Variants in CSMD1 observed in about 807,000 individuals in gnomAD.
CSMD1 encodes the protein CUB and sushi domain-containing protein 1.
In CSMD1, 213 loss-of-function variants were observed where a neutral mutation model predicts 417.5. The ratio of observed to expected loss-of-function variants is 0.51; its 90% CI spans 0.46 to 0.57. CSMD1 has a LOEUF of 0.57. Ranked by LOEUF, CSMD1 falls within the 20% of genes least tolerant of loss-of-function variation. The pLI is 0.00. For synonymous variants in CSMD1, 2,862 were observed against 1,736.8 expected (o/e 1.65, Z -16.11); for missense variants, 6,923 against 4,529.7 (o/e 1.53, Z -15.17).
rs1445581410 is a variant in CSMD1, at chr8:3,289,838, C to A, written c.3951-5492G>T. ...AGAAGCTCTTTAGTTTAATTAGATA[C>A]CATTTGTCAGTTTTGGCTTTTGTTG... On this transcript the variant is annotated intron_variant, in intron 25 of 69. Transcript: ENST00000635120. 6.8e-5 allele frequency among the ~76,000 whole-genome samples: 10 copies of A among 147,336 alleles called. No individual in the cohort carries two copies. The East Asian group carries it at 2.0e-3, about 29-fold the overall frequency.
chr8:3,675,641 GT>G lies in CSMD1; in HGVS notation c.1009+32772del, dbSNP rs145358116. ...TATAAGGAAAGGAGGAAACCAGGGT[GT>G]TCTCTGCCACTCAAGGACACAATTA... is the stretch of plus-strand genomic sequence containing the variant. On this transcript the variant is annotated intron_variant, in intron 7 of 69. Coordinates refer to ENST00000635120, the MANE Select transcript of CSMD1 (RefSeq NM_033225.6). Among the ~76,000 whole-genome samples the G allele has an allele frequency of 9.7e-3, 1,476 of 152,266 alleles. 23 individuals are homozygous for G. The highest frequency in any genetic ancestry group is 0.014 in the Non-Finnish European group (925 of 68,014).
At chr8:4,357,234 C>T (rs374343246) in intron 3 of CSMD1, among the ~76,000 whole-genome samples, 15 of 152,254 alleles carry the variant, frequency 9.9e-5, no homozygotes, top group Middle Eastern at 6.8e-3. Flanking sequence ...GAGCCTCTTA[C>T]GTGCTAGAAT....
At chr8:3,956,339 G>A (rs566515460) in intron 5 of CSMD1, among the ~76,000 whole-genome samples, 4 of 152,174 alleles carry the variant, frequency 2.6e-5, no homozygotes, top group Admixed American at 2.6e-4. Context: ...GAATCAGCAA[G>A]ATGTTAGTCA....
intron 26 of CSMD1, among the ~76,000 whole-genome samples, chr8:3,257,328 A>G (rs1281319665): frequency 2.0e-5 from 3 of 152,202 alleles, no homozygotes; most frequent in African/African-American, 7.2e-5. Context: ...CCATCTCAAA[A>G]CAAACAGAAA....
chr8:4,030,137 C>G (rs921111086), intron 4 of CSMD1, among the ~76,000 whole-genome samples: 7 of 152,152 alleles, frequency 4.6e-5, no homozygotes, highest in Non-Finnish European at 8.8e-5. Flanking sequence ...GTGCATGATG[C>G]AAGGTGTCAG....
intron 10 of CSMD1, among the ~76,000 whole-genome samples, chr8:3,516,457 T>C (rs777415857): frequency 7.2e-5 from 11 of 152,162 alleles, no homozygotes; most frequent in African/African-American, 1.7e-4. Context: ...GAGTGAGTCA[T>C]TGGAGTTGCC....
At chr8:3,456,119 G>T (rs1816111682) in intron 12 of CSMD1, among the ~76,000 whole-genome samples, 1 of 152,212 alleles carries the variant, frequency 6.6e-6, no homozygotes, top group Non-Finnish European at 1.5e-5. Context: ...CCAGGTGCAG[G>T]ATATAATCTC....
chr8:4,212,989 A>C (rs938373973), intron 3 of CSMD1, among the ~76,000 whole-genome samples: 9 of 152,062 alleles, frequency 5.9e-5, no homozygotes, highest in African/African-American at 2.2e-4. Context: ...CTTCCAAGTC[A>C]TGTTGCCTCT....
intron 37 of CSMD1, among the ~76,000 whole-genome samples, chr8:3,166,456 C>T (rs1820223728): frequency 6.6e-6 from 1 of 152,080 alleles, no homozygotes; most frequent in Admixed American, 6.6e-5. Flanking sequence ...ATCGCTTGAA[C>T]CTGGGAAGCA....
chr8:3,067,464 A>C (rs913618360), intron 49 of CSMD1, among the ~76,000 whole-genome samples: 1 of 152,064 alleles, frequency 6.6e-6, no homozygotes, highest in Non-Finnish European at 1.5e-5. Flanking sequence ...TCAGAAGCAG[A>C]AACATTGAAT....
chr8:4,842,708 A>G (rs1297218495), intron 1 of CSMD1, among the ~76,000 whole-genome samples: 1 of 152,238 alleles, frequency 6.6e-6, no homozygotes, highest in Admixed American at 6.5e-5. Flanking sequence ...TATGAGCTAG[A>G]TGCTACTAGA....
intron 30 of CSMD1, among the ~76,000 whole-genome samples, chr8:3,212,427 A>G (rs1186555280): frequency 6.6e-6 from 1 of 152,040 alleles, no homozygotes; most frequent in East Asian, 1.9e-4. Context: ...CGGCTCACTG[A>G]AACCTTCACC....
chr8:3,759,942 T>G (rs56015507), intron 5 of CSMD1, among the ~76,000 whole-genome samples: 1 of 144,310 alleles, frequency 6.9e-6, no homozygotes, highest in African/African-American at 2.6e-5. Context: ...AACGGGGAAA[T>G]AATGGTAGTG....
intron 1 of CSMD1, among the ~76,000 whole-genome samples, chr8:4,852,411 T>G (rs900359442): frequency 6.6e-6 from 1 of 152,124 alleles, no homozygotes; most frequent in African/African-American, 2.4e-5. Context: ...TCACTCTTGC[T>G]ATGTGATGCA....
At chr8:3,091,376 A>T in intron 48 of CSMD1, 140 bp downstream of exon 48, 1 of 550,148 alleles carries the variant, frequency 1.8e-6, no homozygotes, top group Non-Finnish European at 2.9e-6. Flanking sequence ...ATAATTACCC[A>T]TCATATATTT....
chr8:3,971,901 T>C (rs1357438495), intron 5 of CSMD1, among the ~76,000 whole-genome samples: 1 of 152,184 alleles, frequency 6.6e-6, no homozygotes, highest in East Asian at 1.9e-4. Flanking sequence ...TGTTGACTTT[T>C]TTGTTCTTGT....
chr8:3,936,234 G>T (rs1043842526), intron 5 of CSMD1, among the ~76,000 whole-genome samples: 1 of 151,396 alleles, frequency 6.6e-6, no homozygotes, highest in Non-Finnish European at 1.5e-5. Flanking sequence ...AGGTAAAGCA[G>T]CAAGTGATGA....
At chr8:3,857,450 T>A (rs926544827) in intron 5 of CSMD1, among the ~76,000 whole-genome samples, 4 of 152,152 alleles carry the variant, frequency 2.6e-5, no homozygotes, top group Non-Finnish European at 5.9e-5. Flanking sequence ...AGATGGGACC[T>A]TGGAGAACTT....
chr8:4,065,546 G>C (rs764386369), intron 3 of CSMD1, among the ~76,000 whole-genome samples: 5 of 103,890 alleles, frequency 4.8e-5, no homozygotes, highest in African/African-American at 7.1e-5. Flanking sequence ...TATGTTTCTT[G>C]ATAGTAGCTA....
Sources: allele counts gnomAD v4.1 joint callset (sites outside exome capture counted in the v4.1 genomes callset), GRCh38; gene constraint gnomAD v4.1.1; transcripts MANE v1.5; gene names NCBI Gene and HGNC (gene_info 2026-07-23, HGNC 2026-07-21).